The following C8orf76 variants were observed in gnomAD, a reference collection of about 807,000 sequenced individuals.
The protein encoded by C8orf76 is uncharacterized protein C8orf76.
A neutral mutation model predicts 38.1 loss-of-function variants in C8orf76; 46 were observed. That is an observed-to-expected ratio of 1.21 (90% confidence interval 0.95 to 1.54). C8orf76 has a LOEUF of 1.54. Ranked by LOEUF, C8orf76 falls within the 40% of genes most tolerant of loss-of-function variation. C8orf76 has a pLI of 0.00. For synonymous variants in C8orf76, 166 were observed against 167.5 expected, an observed-to-expected ratio of 0.99 and a Z score of 0.07; for missense variants, 461 against 441.6, an observed-to-expected ratio of 1.04 and a Z score of -0.39.
intron 2 of C8orf76, 62 bp downstream of exon 2, chr8:123,238,987 T>C: frequency 6.5e-7 from 1 of 1,528,768 alleles, no homozygotes. Context: ...TACACTGTTA[T>C]TTACATATGC....
At chr8:123,235,358 C>T (rs1365658157) in intron 3 of C8orf76, among the ~76,000 whole-genome samples, 1 of 152,038 alleles carries the variant, frequency 6.6e-6, no homozygotes, top group African/African-American at 2.4e-5. Context: ...TTACATACTG[C>T]GACAGGTCCC....
intron 5 of C8orf76, among the ~76,000 whole-genome samples, chr8:123,222,467 T>G (rs1361391359): frequency 6.6e-6 from 1 of 152,164 alleles, no homozygotes; most frequent in Non-Finnish European, 1.5e-5. Flanking sequence ...GAGGGACAGA[T>G]AGGCACAATA....
intron 3 of C8orf76, chr8:123,236,877 C>T (rs1408007807): frequency 1.1e-6 from 1 of 883,152 alleles, no homozygotes; most frequent in Non-Finnish European, 1.9e-6. Flanking sequence ...AAGACCCTCA[C>T]AGGCAAGACC....
At chr8:123,236,835 G>A (rs1016342641) in intron 3 of C8orf76, 8 of 693,576 alleles carry the variant, frequency 1.2e-5, no homozygotes, top group African/African-American at 5.4e-5. Context: ...CGAGGCTGCC[G>A]AGCTCCAGAT....
chr8:123,230,707 G>A (rs573513246), intron 4 of C8orf76, among the ~76,000 whole-genome samples: 1 of 151,080 alleles, frequency 6.6e-6, no homozygotes, highest in East Asian at 2.0e-4. Flanking sequence ...CTGGAGTGCA[G>A]TGGCACGATC....
chr8:123,236,420 G>T (rs1586810513), intron 3 of C8orf76, among the ~76,000 whole-genome samples: 1 of 152,082 alleles, frequency 6.6e-6, no homozygotes. Context: ...GAACTGGAAA[G>T]AACTACCTTT....
intron 1 of C8orf76, 165 bp from the exon 2 acceptor site, chr8:123,239,309 C>T (rs1376641612): frequency 4.8e-6 from 3 of 626,890 alleles, no homozygotes; most frequent in African/African-American, 1.9e-5. Flanking sequence ...CCTGCCTCTG[C>T]CCACCTTGGC....
intron 4 of C8orf76, among the ~76,000 whole-genome samples, chr8:123,228,773 A>G (rs905672243): frequency 2.0e-5 from 3 of 152,206 alleles, no homozygotes; most frequent in African/African-American, 7.2e-5. Context: ...AAAAACAACA[A>G]AAATAAAAGT....
chr8:123,237,123 G>C (rs905882236), intron 3 of C8orf76: 4 of 926,390 alleles, frequency 4.3e-6, no homozygotes, highest in South Asian at 1.3e-5. Flanking sequence ...ATGATCTGCC[G>C]CAAGTGCTGT....
In C8orf76 at chr8:123,231,538, T is replaced by C. The variant is rs1256260039; in HGVS notation, c.577A>G (p.Ser193Gly). The C allele has an allele frequency of 6.2e-7, 1 of 1,614,120 alleles. No individual in the cohort carries two copies. The highest frequency in any genetic ancestry group is 1.7e-5 in the Admixed American group (1 of 60,006). The change falls in exon 4 of 6, where the codon AGT becomes GGT. Residue 193 changes from serine to glycine, a missense_variant. Transcript: ENST00000276704. Reference protein sequence around the residue: ...AALASSQKQHSFTSSDKTIKS... With the variant: ...AALASSQKQHGFTSSDKTIKS... Reference sequence around the variant, plus strand: ...ATAGTTTTGTCACTTGAGGTGAAACTGTGCTGTTTCTGAGATGACGCAAGT... The same window carrying C: ...ATAGTTTTGTCACTTGAGGTGAAACCGTGCTGTTTCTGAGATGACGCAAGT...
At chr8:123,240,256 T>G (rs1165422298) in intron 1 of C8orf76, among the ~76,000 whole-genome samples, 2 of 152,174 alleles carry the variant, frequency 1.3e-5, no homozygotes, top group African/African-American at 4.8e-5. Flanking sequence ...CCACATGATT[T>G]CCAAGCCCAA....
In C8orf76 at chr8:123,220,225, C is replaced by A. The variant is rs749439795; in HGVS notation, c.1021G>T (p.Ala341Ser). 1.2e-6 allele frequency: 2 copies of A among 1,613,816 alleles called. No individual in the cohort carries two copies. Among genetic ancestry groups the A allele is most frequent in the South Asian group, 2.2e-5 (2 of 91,030 alleles). ...HPEVKCVGSV[A>S]LTALVTVSSE... ...GATACAGTCACCAAGGCAGTCAGGG[C>A]TACGGAGCCAACACACTTCACCTCT... Residue 341 changes from alanine (A) to serine (S), a missense_variant, in exon 6 of 6, where the codon GCC (alanine) becomes TCC (serine). By Grantham distance (99) the Ala-to-Ser change is moderately conservative (BLOSUM62 1). Transcript: ENST00000276704.
intron 3 of C8orf76, chr8:123,237,146 C>A: frequency 1.2e-6 from 1 of 806,504 alleles, no homozygotes; most frequent in Non-Finnish European, 2.2e-6. Flanking sequence ...CCGCCTGCAC[C>A]ACCCCGTGCT....
intron 4 of C8orf76, 31 bp from the exon 5 acceptor site, chr8:123,226,663 GA>G: frequency 6.4e-7 from 1 of 1,571,700 alleles, no homozygotes; most frequent in Non-Finnish European, 8.6e-7. Context: ...AATGCGTGGC[GA>G]AAAGTCCCAA....
At chr8:123,226,245 G>C in intron 5 of C8orf76, 1 of 1,336,818 alleles carries the variant, frequency 7.5e-7, no homozygotes. Flanking sequence ...ATTGGGCATT[G>C]ATGATGTTCA....
chr8:123,239,345 G>A, intron 1 of C8orf76: 2 of 501,012 alleles, frequency 4.0e-6, no homozygotes, highest in Non-Finnish European at 3.6e-6. Flanking sequence ...GATTACAGGT[G>A]TGAGCCACCG....
intron 5 of C8orf76, among the ~76,000 whole-genome samples, chr8:123,225,937 A>G (rs1156721120): frequency 6.6e-6 from 1 of 152,150 alleles, no homozygotes; most frequent in Admixed American, 6.5e-5. Flanking sequence ...AAAAAAAAAA[A>G]AGTTAATGAA....
chr8:123,226,638 A>G lies in C8orf76; in HGVS notation c.816-6T>C, dbSNP rs1343833056. On this transcript the variant is annotated splice_region_variant and splice_polypyrimidine_tract_variant and intron_variant, in intron 4 of 5. Coordinates refer to ENST00000276704, the MANE Select transcript of C8orf76 (RefSeq NM_032847.3). ...GGGTAAACTGAAGCAGAAGCCTGAA[A>G]AACCGAAAAGTCTCAATGCGTGGCG... The G allele has an allele frequency of 1.3e-6, 2 of 1,588,894 alleles. No homozygotes were observed. Among genetic ancestry groups the G allele is most frequent in the Non-Finnish European group, 1.7e-6 (2 of 1,173,308 alleles).
intron 3 of C8orf76, among the ~76,000 whole-genome samples, chr8:123,232,849 C>T (rs1350083637): frequency 6.6e-6 from 1 of 152,162 alleles, no homozygotes; most frequent in Non-Finnish European, 1.5e-5. Context: ...AATGTAAATT[C>T]CTAGTACAGA....
Sources: allele counts gnomAD v4.1 joint callset (sites outside exome capture counted in the v4.1 genomes callset), GRCh38; gene constraint gnomAD v4.1.1; transcripts MANE v1.5; gene names NCBI Gene and HGNC (gene_info 2026-07-23, HGNC 2026-07-21).